Variants in CALCRL observed in about 807,000 individuals in gnomAD.
CALCRL encodes the protein calcitonin gene-related peptide type 1 receptor.
Under a neutral mutation model 60.4 loss-of-function variants are expected in CALCRL, and 27 were observed. The observed-to-expected ratio is 0.45, with a 90% CI of 0.33 to 0.62. CALCRL has a LOEUF of 0.62. Among genes scored for constraint, CALCRL ranks in the 20% least tolerant of loss-of-function variants. CALCRL has a pLI of 0.03. For missense variants in CALCRL, 424 were observed against 540.7 expected (o/e 0.78, Z 2.14); for synonymous variants, 190 against 182.6 (o/e 1.04, Z -0.33).
At chr2:187,354,929 T>C (rs548710797) in intron 12 of CALCRL, among the ~76,000 whole-genome samples, 1 of 152,168 alleles carries the variant, frequency 6.6e-6, no homozygotes, top group East Asian at 1.9e-4. Flanking sequence ...TAATAAAATA[T>C]TGTCTTGCAT....
At chr2:187,388,358 A>G (rs935392347) in intron 1 of CALCRL, among the ~76,000 whole-genome samples, 3 of 152,120 alleles carry the variant, frequency 2.0e-5, no homozygotes, top group Non-Finnish European at 4.4e-5. Context: ...GTTAACAGAT[A>G]CAGTAACTCC....
chr2:187,351,127 T>C (rs370030376), intron 14 of CALCRL, among the ~76,000 whole-genome samples: 11,363 of 20,594 alleles, frequency 0.55, 5,414 homozygotes, highest in South Asian at 0.8. Context: ...CTACTAAAAA[T>C]ACAAAAAATT....
At chr2:187,368,482 A>G (rs1368307289) in intron 8 of CALCRL, among the ~76,000 whole-genome samples, 1 of 152,106 alleles carries the variant, frequency 6.6e-6, no homozygotes, top group African/African-American at 2.4e-5. Context: ...AACCTAAATT[A>G]TCTTCCCAGG....
At chr2:187,384,980 G>C (rs1056295250) in intron 4 of CALCRL, among the ~76,000 whole-genome samples, 3 of 151,990 alleles carry the variant, frequency 2.0e-5, no homozygotes, top group African/African-American at 7.2e-5. Context: ...TTCCACCTTG[G>C]GCCCCATATC....
intron 9 of CALCRL, among the ~76,000 whole-genome samples, chr2:187,362,440 T>C (rs1457026529): frequency 2.0e-5 from 3 of 152,034 alleles, no homozygotes; most frequent in East Asian, 1.9e-4. Context: ...CAGGGACTTT[T>C]AGAATTTTGA....
Position 187,358,179 on chromosome 2 carries a change from T to C in CALCRL, c.909+884A>G, listed in dbSNP as rs545737556. Among the ~76,000 whole-genome samples, 23 of 152,078 alleles carry C rather than the reference T, an allele frequency of 1.5e-4. No homozygotes were observed. The East Asian group carries it at 4.1e-3, about 27-fold the overall frequency. On this transcript the variant is annotated intron_variant, in intron 12 of 14. Transcript: ENST00000392370. ...CAGCCTGGGCAACATAGTGAGATCC[T>C]GTCTCTATAAAAAAAAATTTTTAAA...
intron 1 of CALCRL, among the ~76,000 whole-genome samples, chr2:187,438,507 A>G (rs1690748403): frequency 6.6e-6 from 1 of 152,096 alleles, no homozygotes; most frequent in African/African-American, 2.4e-5. Context: ...TTTAGAAAAG[A>G]TTAATTTTCT....
chr2:187,377,150 A>C (rs770789055), intron 8 of CALCRL, among the ~76,000 whole-genome samples: 6 of 152,142 alleles, frequency 3.9e-5, no homozygotes, highest in Non-Finnish European at 7.4e-5. Context: ...AAAATCTAAA[A>C]ATTTTAAAGC....
rs1213309578 is a variant in CALCRL, at chr2:187,380,595, A to T, written c.296-16T>A. The T allele has an allele frequency of 6.2e-7, 1 of 1,600,704 alleles. No individual in the cohort carries two copies. The highest frequency in any genetic ancestry group is 8.6e-7 in the Non-Finnish European group (1 of 1,168,808). The stretch of plus-strand genomic sequence containing the variant: ...GTAACTTTTTCTTTAAAATTAAAAA[A>T]AAAGGGAAAACAGGAATTTAATTAA... On this transcript the variant is annotated splice_polypyrimidine_tract_variant and intron_variant, in intron 6 of 14. Transcript: ENST00000392370.
At chr2:187,388,004 A>G (rs1407506805) in intron 1 of CALCRL, among the ~76,000 whole-genome samples, 1 of 152,096 alleles carries the variant, frequency 6.6e-6, no homozygotes, top group Non-Finnish European at 1.5e-5. Flanking sequence ...CTAGAAATGT[A>G]CATATTTTCT....
At position 187,345,839 on chromosome 2, in the gene CALCRL, T is replaced by G; in HGVS notation, c.*345A>C. ...ACATGTATGTTTAGTTTTACAGCCA[T>G]TTGTTTGTGAATTCATGCAATGGTG... On this transcript the variant is annotated 3_prime_UTR_variant, in exon 15 of 15. Coordinates refer to ENST00000392370, the MANE Select transcript of CALCRL (RefSeq NM_005795.6). 1 of 180,090 alleles carries G rather than the reference T, an allele frequency of 5.6e-6. No individual in the cohort carries two copies. Among genetic ancestry groups the G allele is most frequent in the Non-Finnish European group, 1.2e-5 (1 of 86,566 alleles). The allele number at this position is 180,090 out of a possible 1,614,324, so 11.2% of individuals were successfully genotyped here. A position where few individuals can be genotyped will look rare whatever the true frequency, so the allele number is the denominator to read the frequency against.
At chr2:187,374,573 C>G (rs1285442310) in intron 8 of CALCRL, among the ~76,000 whole-genome samples, 1 of 152,142 alleles carries the variant, frequency 6.6e-6, no homozygotes, top group Admixed American at 6.5e-5. Context: ...TCTTCAGATT[C>G]TATGAGTTAG....
intron 1 of CALCRL, among the ~76,000 whole-genome samples, chr2:187,398,039 A>AT (rs1368822261): frequency 6.6e-6 from 1 of 151,562 alleles, no homozygotes; most frequent in Non-Finnish European, 1.5e-5. Context: ...ATAATTAGCC[A>AT]TTTTCCGGTG....
At chr2:187,364,841 T>C (rs1687207974) in intron 8 of CALCRL, among the ~76,000 whole-genome samples, 1 of 152,172 alleles carries the variant, frequency 6.6e-6, no homozygotes, top group Admixed American at 6.5e-5. Context: ...ATGGGCAAGA[T>C]GGCTCTTGGA....
intron 1 of CALCRL, among the ~76,000 whole-genome samples, chr2:187,410,772 T>A (rs1200561785): frequency 6.6e-6 from 1 of 152,102 alleles, no homozygotes; most frequent in African/African-American, 2.4e-5. Context: ...TGAGGTACTA[T>A]GGCTCAAGAC....
At position 187,363,454 on chromosome 2, in the gene CALCRL, T is replaced by C; in HGVS notation, c.549A>G (p.Ser183=). The part of the protein sequence containing the change: ...RITLHKNLFF[S]FVCNSVVTII... ...TTGTTACAACAGAGTTACAAACAAA[T>C]GAGAAGAACAGATTTTTGTGTAAGG... The change falls in exon 9 of 15, where the codon TCA becomes TCG. Residue 183 remains serine (S), a synonymous_variant. Transcript: ENST00000392370. 6.2e-7 allele frequency: 1 copy of C among 1,609,492 alleles called. No individual in the cohort carries two copies. The highest frequency in any genetic ancestry group is 8.5e-7 in the Non-Finnish European group (1 of 1,177,684).
At chr2:187,368,401 A>AT (rs548735873) in intron 8 of CALCRL, among the ~76,000 whole-genome samples, 4 of 151,804 alleles carry the variant, frequency 2.6e-5, no homozygotes, top group African/African-American at 4.8e-5. Flanking sequence ...AAAAATAGTC[A>AT]TTTTTTTTCT....
At chr2:187,437,312 G>A (rs1690688034) in intron 1 of CALCRL, among the ~76,000 whole-genome samples, 1 of 139,096 alleles carries the variant, frequency 7.2e-6, no homozygotes, top group Non-Finnish European at 1.6e-5. Flanking sequence ...GGAGGCCGAG[G>A]CAGGCTGATC....
intron 1 of CALCRL, among the ~76,000 whole-genome samples, chr2:187,413,532 C>T (rs534160580): frequency 1.3e-5 from 2 of 152,190 alleles, no homozygotes; most frequent in East Asian, 3.9e-4. Flanking sequence ...TTGTAATTTA[C>T]GTGTCAAAAA....
Sources: allele counts gnomAD v4.1 joint callset (sites outside exome capture counted in the v4.1 genomes callset), GRCh38; gene constraint gnomAD v4.1.1; transcripts MANE v1.5; gene names NCBI Gene and HGNC (gene_info 2026-07-23, HGNC 2026-07-21).